Variants in SPECC1 observed in about 807,000 individuals in gnomAD.
The protein encoded by SPECC1 is cytospin-B.
In SPECC1, 62 loss-of-function variants were observed where a neutral mutation model predicts 104.1. The ratio of observed to expected loss-of-function variants is 0.60; its 90% CI spans 0.49 to 0.74. SPECC1 has a LOEUF of 0.74. SPECC1 is among the 30% of genes least tolerant of loss of function. The pLI, the probability that SPECC1 is intolerant of heterozygous loss-of-function variation, is 0.00. For missense variants in SPECC1, 1,306 were observed against 1,310.5 expected, an observed-to-expected ratio of 1.00 and a Z score of 0.05; for synonymous variants, 513 against 501.6, an observed-to-expected ratio of 1.02 and a Z score of -0.30.
intron 13 of SPECC1, among the ~76,000 whole-genome samples, chr17:20,302,218 C>T (rs979779744): frequency 6.6e-6 from 1 of 152,220 alleles, no homozygotes; most frequent in Admixed American, 6.5e-5. Flanking sequence ...GGGCCCAACC[C>T]CTCAATCCCT....
intron 3 of SPECC1, among the ~76,000 whole-genome samples, chr17:20,153,605 A>G (rs2032206912): frequency 6.6e-6 from 1 of 152,226 alleles, no homozygotes; most frequent in Non-Finnish European, 1.5e-5. Flanking sequence ...ACTTGACTAG[A>G]TATTTTAAAT....
intron 3 of SPECC1, among the ~76,000 whole-genome samples, chr17:20,163,318 C>T (rs4925090): frequency 0.58 from 87,466 of 151,968 alleles, 25,783 homozygotes; most frequent in African/African-American, 0.64. Context: ...GTTCTATTTA[C>T]AAATGCAGTA....
intron 12 of SPECC1, among the ~76,000 whole-genome samples, chr17:20,280,853 A>G (rs572171562): frequency 2.0e-5 from 3 of 152,358 alleles, no homozygotes; most frequent in African/African-American, 7.2e-5. Flanking sequence ...CCTTCTGCAG[A>G]AGCATCATTG....
intron 3 of SPECC1, among the ~76,000 whole-genome samples, chr17:20,119,382 G>A (rs1185367968): frequency 5.9e-5 from 9 of 152,198 alleles, no homozygotes; most frequent in East Asian, 3.8e-4. Flanking sequence ...ACAGGCTTGC[G>A]CCACCACGCC....
chr17:20,139,798 C>T (rs1423805204), intron 3 of SPECC1, among the ~76,000 whole-genome samples: 1 of 152,182 alleles, frequency 6.6e-6, no homozygotes, highest in African/African-American at 2.4e-5. Flanking sequence ...CCTCAGCCTA[C>T]TGAGTAGCTG....
Position 20,056,416 on chromosome 17 carries a change from G to A in SPECC1, c.-21-40215G>A, listed in dbSNP as rs1056271369. ...CTGGCGTCCGGAGAAGGGCGAGGCC[G>A]CTTGTATCATGGAGTGTCAGCTTGC... is the stretch of plus-strand genomic sequence containing the variant. On this transcript the variant is annotated intron_variant, in intron 1 of 14. Transcript: ENST00000395527. The A allele has an allele frequency of 4.8e-5, 9 of 186,470 alleles. No homozygotes were observed. In the South Asian group the frequency reaches 7.2e-4, roughly 15 times the overall value. 11.6% of individuals were successfully genotyped at this position (186,470 alleles called of 1,614,324 possible). A position where few individuals can be genotyped will look rare whatever the true frequency, so the allele number is the denominator to read the frequency against.
intron 3 of SPECC1, among the ~76,000 whole-genome samples, chr17:20,142,046 G>A (rs2030873416): frequency 6.6e-6 from 1 of 152,180 alleles, no homozygotes. Flanking sequence ...ATATTGTAGT[G>A]TCATGTACAA....
chr17:20,274,751 A>T (rs1379301062), intron 12 of SPECC1, among the ~76,000 whole-genome samples: 1 of 151,660 alleles, frequency 6.6e-6, no homozygotes, highest in Non-Finnish European at 1.5e-5. Flanking sequence ...AAGTGCTAGG[A>T]TTACACACAT....
intron 4 of SPECC1, among the ~76,000 whole-genome samples, chr17:20,208,641 C>T (rs186794449): frequency 6.6e-6 from 1 of 152,354 alleles, no homozygotes; most frequent in Non-Finnish European, 1.5e-5. Context: ...GGCCCCTTTA[C>T]ATTGTGCAAT....
intron 14 of SPECC1, 76 bp from the exon 15 acceptor site, chr17:20,313,900 T>C: frequency 1.4e-6 from 2 of 1,385,240 alleles, no homozygotes; most frequent in Admixed American, 3.8e-5. Flanking sequence ...AGCCCTAACC[T>C]GGACTGAAGT....
intron 14 of SPECC1, among the ~76,000 whole-genome samples, chr17:20,310,519 A>G (rs1220606248): frequency 1.3e-5 from 2 of 152,190 alleles, no homozygotes; most frequent in Non-Finnish European, 2.9e-5. Flanking sequence ...GTGTAAGGAG[A>G]GCATCTTAGC....
At chr17:20,033,211 G>A (rs1032892514) in intron 1 of SPECC1, among the ~76,000 whole-genome samples, 17 of 151,916 alleles carry the variant, frequency 1.1e-4, no homozygotes, top group Admixed American at 3.9e-4. Flanking sequence ...TGATCTGCCC[G>A]CCTCAGCATC....
At chr17:20,210,344 G>A (rs777060853) in intron 4 of SPECC1, among the ~76,000 whole-genome samples, 4 of 152,216 alleles carry the variant, frequency 2.6e-5, no homozygotes, top group Non-Finnish European at 5.9e-5. Flanking sequence ...GAGATTGGCT[G>A]TGGCTGCCCA....
At chr17:20,273,580 T>C (rs141667686) in intron 12 of SPECC1, among the ~76,000 whole-genome samples, 1,696 of 152,254 alleles carry the variant, frequency 0.011, 24 homozygotes, top group African/African-American at 0.038. Flanking sequence ...CTGCTCACTG[T>C]CCTCTGGGTG....
chr17:20,234,833 A>G (rs1446996635), intron 7 of SPECC1, among the ~76,000 whole-genome samples: 1 of 152,252 alleles, frequency 6.6e-6, no homozygotes, highest in Non-Finnish European at 1.5e-5. Flanking sequence ...GCAAACCAGC[A>G]TTCATTGCTG....
intron 3 of SPECC1, among the ~76,000 whole-genome samples, chr17:20,155,118 G>A (rs1037788439): frequency 6.6e-6 from 1 of 152,194 alleles, no homozygotes; most frequent in Non-Finnish European, 1.5e-5. Context: ...ATATAGGAAA[G>A]AGGTCTGTTG....
chr17:20,083,689 G>C (rs1472150075), intron 1 of SPECC1, among the ~76,000 whole-genome samples: 2 of 152,178 alleles, frequency 1.3e-5, no homozygotes, highest in South Asian at 2.1e-4. Context: ...ACGAAATCAA[G>C]CTGCCATGAA....
intron 7 of SPECC1, among the ~76,000 whole-genome samples, chr17:20,241,384 G>A (rs1199017494): frequency 6.6e-6 from 1 of 152,114 alleles, no homozygotes; most frequent in Non-Finnish European, 1.5e-5. Flanking sequence ...AATTCTTCTT[G>A]TTCCTGATCC....
At chr17:20,157,881 C>CT (rs1322143821) in intron 3 of SPECC1, among the ~76,000 whole-genome samples, 2 of 152,192 alleles carry the variant, frequency 1.3e-5, no homozygotes, top group Non-Finnish European at 1.5e-5. Flanking sequence ...CCAGACTGGC[C>CT]TTGAAGTCTT....
Sources: allele counts gnomAD v4.1 joint callset (sites outside exome capture counted in the v4.1 genomes callset), GRCh38; gene constraint gnomAD v4.1.1; transcripts MANE v1.5; gene names NCBI Gene and HGNC (gene_info 2026-07-23, HGNC 2026-07-21).